PSME4: variants seen among roughly 807,000 people sequenced by gnomAD.
PSME4 encodes the protein proteasome activator subunit 4, also known as proteasome activator complex subunit 4.
A neutral mutation model predicts 253.9 loss-of-function variants in PSME4; 89 were observed. The ratio of observed to expected loss-of-function variants is 0.35; its 90% CI spans 0.30 to 0.42. The LOEUF is 0.42. Among genes scored for constraint, PSME4 ranks in the 10% least tolerant of loss-of-function variants. The pLI is 1.00. For missense variants in PSME4, 2,014 were observed against 2,195.2 expected, an observed-to-expected ratio of 0.92 and a Z score of 1.65; for synonymous variants, 851 against 759.2, an observed-to-expected ratio of 1.12 and a Z score of -1.99.
At position 53,890,097 on chromosome 2, in the gene PSME4, A is replaced by G; in HGVS notation, c.4296+7T>C. 1 of 1,594,220 alleles carries G rather than the reference A, an allele frequency of 6.3e-7. No homozygotes were observed. Among genetic ancestry groups the G allele is most frequent in the Non-Finnish European group, 8.6e-7 (1 of 1,162,010 alleles). The stretch of plus-strand genomic sequence containing the variant: ...AGTTAGACAAAGAAAGATGTAGGGT[A>G]ACTTACACAGGATGTTGCTATACAA... On this transcript the variant is annotated splice_region_variant and intron_variant, in intron 37 of 46. Coordinates refer to ENST00000404125, the MANE Select transcript of PSME4 (RefSeq NM_014614.3).
chr2:53,960,100 G>C (rs1160611208), intron 1 of PSME4, among the ~76,000 whole-genome samples: 1 of 152,130 alleles, frequency 6.6e-6, no homozygotes, highest in Non-Finnish European at 1.5e-5. Context: ...ACCATCTGCA[G>C]AATTAAGAGT....
intron 20 of PSME4, among the ~76,000 whole-genome samples, chr2:53,918,881 T>G (rs1668176522): frequency 6.6e-6 from 1 of 152,342 alleles, no homozygotes; most frequent in Admixed American, 6.5e-5. Flanking sequence ...ATTAACTCAG[T>G]AAACTAAGAG....
intron 1 of PSME4, among the ~76,000 whole-genome samples, chr2:53,954,111 C>T (rs962923685): frequency 1.2e-4 from 18 of 151,442 alleles, no homozygotes; most frequent in Admixed American, 2.6e-4. Flanking sequence ...AGGCAGATCA[C>T]GAGGTCAGGA....
At chr2:53,948,162 G>C (rs1669811802) in intron 3 of PSME4, among the ~76,000 whole-genome samples, 1 of 152,082 alleles carries the variant, frequency 6.6e-6, no homozygotes. Context: ...TATAAACTCA[G>C]AATAAAATAT....
At chr2:53,886,266 G>A (rs1247941584) in intron 40 of PSME4, among the ~76,000 whole-genome samples, 1 of 152,116 alleles carries the variant, frequency 6.6e-6, no homozygotes, top group African/African-American at 2.4e-5. Flanking sequence ...AAAATTAGCT[G>A]GGTGTGGTGT....
At chr2:53,880,999 C>T (rs1046914296) in intron 41 of PSME4, among the ~76,000 whole-genome samples, 1 of 151,930 alleles carries the variant, frequency 6.6e-6, no homozygotes, top group African/African-American at 2.4e-5. Context: ...CCTACCATTA[C>T]GAAAAAAATG....
chr2:53,892,801 A>G lies in PSME4; in HGVS notation c.4191+7T>C. On this transcript the variant is annotated splice_region_variant and intron_variant, in intron 36 of 46. Transcript: ENST00000404125. ...GGAAATGTTCTGTACAAATATTAAT[A>G]CATCACCTTTTCAAATGTCCAGTGC... 1 of 1,608,960 alleles carries G rather than the reference A, an allele frequency of 6.2e-7. No homozygotes were observed.
chr2:53,899,809 C>T (rs1300833900), intron 29 of PSME4, 72 bp downstream of exon 29: 43 of 1,536,058 alleles, frequency 2.8e-5, no homozygotes, highest in Non-Finnish European at 3.7e-5. Context: ...CAGAGCAAGA[C>T]TCTGTCTCAA....
At chr2:53,917,733 A>C (rs1006864781) in intron 20 of PSME4, among the ~76,000 whole-genome samples, 17 of 152,216 alleles carry the variant, frequency 1.1e-4, no homozygotes, top group African/African-American at 4.1e-4. Flanking sequence ...TGCCTGCCAT[A>C]AAAGGGTCAA....
intron 28 of PSME4, among the ~76,000 whole-genome samples, chr2:53,900,385 C>G (rs1339234732): frequency 6.6e-6 from 1 of 151,140 alleles, no homozygotes; most frequent in African/African-American, 2.4e-5. Context: ...ACAGCAAGAC[C>G]CCTGTCTCTC....
chr2:53,961,465 C>A (rs1670492277), intron 1 of PSME4, among the ~76,000 whole-genome samples: 2 of 151,940 alleles, frequency 1.3e-5, no homozygotes, highest in Non-Finnish European at 2.9e-5. Context: ...CAGGAGTTTG[C>A]GACCAGCCGT....
chr2:53,898,714 G>A (rs1251412806), intron 29 of PSME4, among the ~76,000 whole-genome samples: 1 of 151,784 alleles, frequency 6.6e-6, no homozygotes, highest in East Asian at 1.9e-4. Context: ...GGCTATAAGA[G>A]TTTATTATTT....
intron 36 of PSME4, among the ~76,000 whole-genome samples, chr2:53,892,394 G>A (rs1679951066): frequency 2.0e-5 from 3 of 152,098 alleles, no homozygotes; most frequent in Admixed American, 2.0e-4. Flanking sequence ...CTAAAAGACT[G>A]GACAAGTAAT....
Position 53,908,435 on chromosome 2 carries a change from C to G in PSME4, c.2686-17G>C. 6.2e-7 allele frequency: 1 copy of G among 1,612,480 alleles called. No homozygotes were observed. Among genetic ancestry groups the G allele is most frequent in the Non-Finnish European group, 8.5e-7 (1 of 1,179,204 alleles). On this transcript the variant is annotated splice_polypyrimidine_tract_variant and intron_variant, in intron 23 of 46. Coordinates refer to ENST00000404125, the MANE Select transcript of PSME4 (RefSeq NM_014614.3). ...TCCAATAATCTGTGTCAAAGAATTT[C>G]AAATTGTATTTGCAAGTCATCAATC...
chr2:53,871,616 T>C (rs535781735), intron 43 of PSME4, among the ~76,000 whole-genome samples: 5 of 152,346 alleles, frequency 3.3e-5, no homozygotes, highest in Non-Finnish European at 5.9e-5. Flanking sequence ...CATGTTTTGA[T>C]GTGACGTCTA....
chr2:53,919,120 T>C (rs772983896), intron 20 of PSME4, 31 bp downstream of exon 20: 12 of 1,581,896 alleles, frequency 7.6e-6, no homozygotes, highest in East Asian at 2.2e-5. Context: ...TTAAAATATA[T>C]GTTAAGTGGA....
chr2:53,949,358 T>A, intron 1 of PSME4, 75 bp from the exon 2 acceptor site: 1 of 987,350 alleles, frequency 1.0e-6, no homozygotes, highest in Non-Finnish European at 1.4e-6. Flanking sequence ...GCATTATCCA[T>A]AGAAGCCAAG....
At chr2:53,937,733 C>G (rs1364816886) in intron 4 of PSME4, among the ~76,000 whole-genome samples, 193 bp from the exon 5 acceptor site, 1 of 152,144 alleles carries the variant, frequency 6.6e-6, no homozygotes, top group South Asian at 2.1e-4. Flanking sequence ...TGCAGTAGTT[C>G]ATGCCTGTAA....
At position 53,887,359 on chromosome 2, in the gene PSME4, A is replaced by G. The variant is rs367660389; in HGVS notation, c.4629T>C (p.Pro1543=). The change falls in exon 40 of 47, where the codon CCT becomes CCC. Residue 1543 remains proline (P), a synonymous_variant. Transcript: ENST00000404125. ...GAATTTCTTCATCCACATCCATGAG[A>G]GGTTTCAATTTCTCCAGAATTCGAG... ...FTARILEKLK[P]LMDVDEEIQN... is the part of the protein sequence containing the mutation. 5 of 1,613,870 alleles carry G rather than the reference A, an allele frequency of 3.1e-6. No homozygotes were observed. In the South Asian group the frequency reaches 5.5e-5, roughly 18 times the overall value.
Sources: gnomAD v4.1 joint callset for allele counts (sites outside exome capture counted in the v4.1 genomes callset) on GRCh38, gnomAD v4.1.1 for gene constraint, MANE v1.5 for transcripts, NCBI Gene and HGNC (gene_info 2026-07-23, HGNC 2026-07-21) for gene names.